Variants in ESPN observed in about 807,000 individuals in gnomAD.
The protein encoded by ESPN is espin, also known as autosomal recessive deafness type 36 protein.
In ESPN, 68 loss-of-function variants were observed where a neutral mutation model predicts 77.7. The ratio of observed to expected loss-of-function variants is 0.87; its 90% confidence interval spans 0.72 to 1.07. The LOEUF (loss-of-function observed/expected upper bound fraction) is 1.07. Ranked by LOEUF, ESPN falls within the 50% of genes least tolerant of loss-of-function variation. The probability of loss-of-function intolerance (pLI) is 0.00; values close to 1 mark genes in which losing one functional copy is unlikely to be tolerated. For missense variants in ESPN, 1,060 were observed against 1,239.0 expected, an observed-to-expected ratio of 0.86 and a Z score of 2.17; for synonymous variants, 449 against 567.1, an observed-to-expected ratio of 0.79 and a Z score of 2.96.
chr1:6,436,473 G>A (rs1293302200), intron 2 of ESPN, among the ~76,000 whole-genome samples: 1 of 122,920 alleles, frequency 8.1e-6, no homozygotes. Flanking sequence ...CCAGTGATGG[G>A]AATTTTTTCT....
intron 12 of ESPN, among the ~76,000 whole-genome samples, chr1:6,457,669 C>T (rs1481342513): frequency 6.6e-6 from 1 of 152,166 alleles, no homozygotes; most frequent in Non-Finnish European, 1.5e-5. Context: ...CCCTAGTCAT[C>T]TCACCCAGCC....
Position 6,437,729 on chromosome 1 carries a change from G to A in ESPN, c.489-2525G>A, listed in dbSNP as rs2148514842. ...AATGGCAGCCCTGTGTCTAGGGAGT[G>A]GGGAGGGAGGAGAAATCAGTGAGTG... On this transcript the variant is annotated intron_variant, in intron 2 of 12. Coordinates refer to ENST00000645284, the MANE Select transcript of ESPN (RefSeq NM_031475.3). The surrounding 1 kb of genome is among the most constrained non-coding windows in gnomAD (Gnocchi z 4.5). 6.6e-6 allele frequency: 1 copy of A among 152,510 alleles called. No individual in the cohort carries two copies. Among genetic ancestry groups the A allele is most frequent in the Middle Eastern group, 3.4e-3 (1 of 296 alleles). 9.4% of individuals were successfully genotyped at this position (152,510 alleles called of 1,614,324 possible).
chr1:6,443,812 G>A (rs538611749), intron 5 of ESPN, among the ~76,000 whole-genome samples: 24 of 152,338 alleles, frequency 1.6e-4, no homozygotes, highest in East Asian at 9.6e-4. Flanking sequence ...AGGAGGCAGC[G>A]GAGCAAGCGG....
At position 6,437,677 on chromosome 1, in the gene ESPN, G is replaced by A. The variant is rs1643484377; in HGVS notation, c.489-2577G>A. On this transcript the variant is annotated intron_variant, in intron 2 of 12. Coordinates refer to ENST00000645284, the MANE Select transcript of ESPN (RefSeq NM_031475.3). This position sits in a 1 kb window ranked among gnomAD's most constrained non-coding sequence, Gnocchi z 4.5. ...TGCCTGCTCCCCGCACCATCGTGAAGTGCCGGGCTCAGCATCAGCCCCAGC... is the reference window on the plus strand; with the variant it reads ...TGCCTGCTCCCCGCACCATCGTGAAATGCCGGGCTCAGCATCAGCCCCAGC... 1 of 152,276 alleles carries A rather than the reference G, an allele frequency of 6.6e-6. No individual in the cohort carries two copies. Among genetic ancestry groups the A allele is most frequent in the Non-Finnish European group, 1.5e-5 (1 of 68,120 alleles). The allele number at this position is 152,276 out of a possible 1,614,324, so 9.4% of individuals were successfully genotyped here.
In ESPN at chr1:6,457,214, A is replaced by C; in HGVS notation, c.2356A>C (p.Met786Leu). The C allele has an allele frequency of 6.2e-7, 1 of 1,611,958 alleles. No homozygotes were observed. Among genetic ancestry groups the C allele is most frequent in the Non-Finnish European group, 8.5e-7 (1 of 1,179,020 alleles). Residue 786 changes from methionine (M) to leucine (L), a missense_variant, in exon 11 of 13, where the codon ATG (methionine) becomes CTG (leucine). Around this residue, in one of 3 missense-constraint regions of ESPN, gnomAD observed 374 missense variants for 381.4 expected, o/e 0.98. Coordinates refer to ENST00000645284, the MANE Select transcript of ESPN (RefSeq NM_031475.3). ...GGAGGAGGAGGCCCGGCTGGCCAGC[A>C]TGCCCGCCTGGAGGCGGGACCTCCT... ...EEEEEARLAS[M>L]PAWRRDLLRK...
At position 6,437,866 on chromosome 1, in the gene ESPN, T is replaced by C. The variant is rs1378794891; in HGVS notation, c.489-2388T>C. The C allele has an allele frequency of 1.4e-5, 2 of 146,082 alleles. No individual in the cohort carries two copies. The highest frequency in any genetic ancestry group is 3.0e-5 in the Non-Finnish European group (2 of 67,110). 9.0% of individuals were successfully genotyped at this position (146,082 alleles called of 1,614,324 possible). A position where few individuals can be genotyped will look rare whatever the true frequency, so the allele number is the denominator to read the frequency against. ...CCAGCTGGGAGGGTCTCAGGATGTG[T>C]GTGAGAGGGAGGGAGAGGGCACACG... On this transcript the variant is annotated intron_variant, in intron 2 of 12. Coordinates refer to ENST00000645284, the MANE Select transcript of ESPN (RefSeq NM_031475.3). This position sits in a 1 kb window ranked among gnomAD's most constrained non-coding sequence, Gnocchi z 4.5.
chr1:6,459,971 G>A (rs373220948), intron 12 of ESPN, 28 bp from the exon 13 acceptor site: 4 of 1,612,678 alleles, frequency 2.5e-6, no homozygotes, highest in African/African-American at 2.7e-5. Context: ...AGACTTCACC[G>A]GGTCTGCCCC....
At position 6,460,874 on chromosome 1, in the gene ESPN, C is replaced by G. The variant is rs1644151067; in HGVS notation, c.*728C>G. 3.1e-6 allele frequency: 1 copy of G among 326,436 alleles called. No individual in the cohort carries two copies. The highest frequency in any genetic ancestry group is 2.2e-5 in the African/African-American group (1 of 45,338). 20.2% of individuals were successfully genotyped at this position (326,436 alleles called of 1,614,324 possible). Reference sequence around the variant, plus strand: ...GACCCTGTGTCTCCAACTGCTGCACCCCATCCCGACCCTGTCTCCGCCACC... The same window carrying G: ...GACCCTGTGTCTCCAACTGCTGCACGCCATCCCGACCCTGTCTCCGCCACC... On this transcript the variant is annotated 3_prime_UTR_variant, in exon 13 of 13. Transcript: ENST00000645284.
chr1:6,451,446 T>C lies in ESPN; in HGVS notation c.1916-157T>C. On this transcript the variant is annotated intron_variant, in intron 8 of 12. Transcript: ENST00000645284. The surrounding 1 kb of genome is among the most constrained non-coding windows in gnomAD (Gnocchi z 4.3). ...GCCCGCCTCTGGGGGCCCTGAAACC[T>C]GCCTGCAGGACCTGGGATCTGGAGA... 1 of 1,055,500 alleles carries C rather than the reference T, an allele frequency of 9.5e-7. No individual in the cohort carries two copies. Among genetic ancestry groups the C allele is most frequent in the Admixed American group, 2.1e-5 (1 of 48,396 alleles). 65.4% of individuals were successfully genotyped at this position (1,055,500 alleles called of 1,614,324 possible). A position where few individuals can be genotyped will look rare whatever the true frequency, so the allele number is the denominator to read the frequency against.
At chr1:6,440,167 G>A in intron 2 of ESPN, 87 bp from the exon 3 acceptor site, 1 of 1,408,942 alleles carries the variant, frequency 7.1e-7, no homozygotes, top group Non-Finnish European at 9.8e-7. Flanking sequence ...GCCGTCCAGG[G>A]CTCCCCGGGA....
chr1:6,455,372 C>T lies in ESPN; in HGVS notation c.2326-1812C>T, dbSNP rs1013316095. On this transcript the variant is annotated intron_variant, in intron 10 of 12. Coordinates refer to ENST00000645284, the MANE Select transcript of ESPN (RefSeq NM_031475.3). ...CGCGCCTACGCGGACTGCTGCCCCG[C>T]GTGGCGGCTGCCGGTGCTGGCCCGG... 1.3e-4 allele frequency: 50 copies of T among 385,496 alleles called. No homozygotes were observed. The Middle Eastern group carries it at 3.3e-3, about 26-fold the overall frequency. The allele number at this position is 385,496 out of a possible 1,614,324, so 23.9% of individuals were successfully genotyped here. A position where few individuals can be genotyped will look rare whatever the true frequency, so the allele number is the denominator to read the frequency against.
At chr1:6,433,144 A>C (rs1205534503) in intron 2 of ESPN, among the ~76,000 whole-genome samples, 1 of 133,156 alleles carries the variant, frequency 7.5e-6, no homozygotes, top group Non-Finnish European at 1.6e-5. Context: ...AAAAGAAAAG[A>C]AAAGACAGTG....
chr1:6,451,910 G>A lies in ESPN; in HGVS notation c.2139G>A (p.Gln713=). The part of the protein sequence containing the change: ...RSPTPPAAGF[Q]PLLNGSLVPV... ...CCACACCGCCAGCTGCGGGGTTTCA[G>A]CCGCTGCTCAATGGAAGCTTGGTTC... Residue 713 remains glutamine, a synonymous_variant, in exon 10 of 13, where the codon CAG becomes CAA. Transcript: ENST00000645284. This position sits in a 1 kb window ranked among gnomAD's most constrained non-coding sequence, Gnocchi z 4.3. 2 of 1,611,112 alleles carry A rather than the reference G, an allele frequency of 1.2e-6. No individual in the cohort carries two copies. The highest frequency in any genetic ancestry group is 1.3e-5 in the African/African-American group (1 of 74,992).
rs766915862 is a variant in ESPN, at chr1:6,444,684, T to C, written c.1192+2T>C. 6.2e-7 allele frequency: 1 copy of C among 1,614,024 alleles called. No individual in the cohort carries two copies. Among genetic ancestry groups the C allele is most frequent in the South Asian group, 1.1e-5 (1 of 91,078 alleles). ...TCAAGGGCCAGCACCCTCCATGTGGTGAGTGTGCCCAGGAGGAAGACGGGG... is the reference window on the plus strand; with the variant it reads ...TCAAGGGCCAGCACCCTCCATGTGGCGAGTGTGCCCAGGAGGAAGACGGGG... On this transcript the variant is annotated splice_donor_variant, in intron 6 of 12. Coordinates refer to ENST00000645284, the MANE Select transcript of ESPN (RefSeq NM_031475.3). LOFTEE classifies it high-confidence loss of function.
chr1:6,424,870 C>T lies in ESPN; in HGVS notation c.-86C>T. The T allele has an allele frequency of 8.0e-7, 1 of 1,250,506 alleles. No individual in the cohort carries two copies. The highest frequency in any genetic ancestry group is 1.0e-6 in the Non-Finnish European group (1 of 985,026). 77.5% of individuals were successfully genotyped at this position (1,250,506 alleles called of 1,614,324 possible). ...GCCCGCAGATCCCCGACGGCCGCAC[C>T]GCGGGCTCCTCTGGCCCGCAAGAAC... On this transcript the variant is annotated 5_prime_UTR_variant, in exon 1 of 13. Coordinates refer to ENST00000645284, the MANE Select transcript of ESPN (RefSeq NM_031475.3).
rs2148553345 is a variant in ESPN, at chr1:6,460,665, CCT to C, written c.*523_*524del. The stretch of plus-strand genomic sequence containing the variant: ...CATTTCTTATCCCCGCCAAGGGTTT[CCT>C]CTCAGTCATTTGTTTACCAGAAACA... On this transcript the variant is annotated 3_prime_UTR_variant, in exon 13 of 13. Coordinates refer to ENST00000645284, the MANE Select transcript of ESPN (RefSeq NM_031475.3). 6.0e-6 allele frequency: 1 copy of C among 166,776 alleles called. No homozygotes were observed. Among genetic ancestry groups the C allele is most frequent in the South Asian group, 1.6e-4 (1 of 6,438 alleles). 10.3% of individuals were successfully genotyped at this position (166,776 alleles called of 1,614,324 possible). A position where few individuals can be genotyped will look rare whatever the true frequency, so the allele number is the denominator to read the frequency against.
intron 7 of ESPN, chr1:6,448,375 TCTG>T (rs1643886956): frequency 2.3e-5 from 10 of 437,200 alleles, no homozygotes; most frequent in Middle Eastern, 1.2e-3. Context: ...GCCCGCCTCT[TCTG>T]GCCTCAGTGG....
intron 10 of ESPN, chr1:6,455,412 G>A (rs1032590317): frequency 2.0e-5 from 8 of 392,154 alleles, no homozygotes; most frequent in Non-Finnish European, 3.6e-5. Context: ...GGAGGCCACG[G>A]ACGCCCCCCG....
At chr1:6,459,887 C>A in intron 12 of ESPN, 112 bp from the exon 13 acceptor site, 1 of 1,364,194 alleles carries the variant, frequency 7.3e-7, no homozygotes, top group Non-Finnish European at 1.0e-6. Flanking sequence ...CAGTAACCCA[C>A]CCCTTGCATG....
Sources: gnomAD v4.1 joint callset for allele counts (sites outside exome capture counted in the v4.1 genomes callset) on GRCh38, gnomAD v4.1.1 for gene constraint, gnomAD v4.1.1 regional missense constraint, Gnocchi (gnomAD v3.1) non-coding constraint, MANE v1.5 for transcripts, NCBI Gene and HGNC (gene_info 2026-07-23, HGNC 2026-07-21) for gene names.